Variants in STRN observed in about 807,000 individuals in gnomAD.
STRN encodes protein phosphatase 2 regulatory subunit B'''alpha.
Under a neutral mutation model 96.3 loss-of-function variants are expected in STRN, and 53 were observed. The observed-to-expected ratio is 0.55, with a 90% confidence interval of 0.44 to 0.69. The LOEUF is 0.69. Ranked by LOEUF, STRN falls within the 30% of genes least tolerant of loss-of-function variation. The probability of loss-of-function intolerance (pLI) is 0.00; values close to 1 mark genes in which losing one functional copy is unlikely to be tolerated. For synonymous variants in STRN, 428 were observed against 355.9 expected, an observed-to-expected ratio of 1.20 and a Z score of -2.28; for missense variants, 987 against 963.9, an observed-to-expected ratio of 1.02 and a Z score of -0.32.
intron 1 of STRN, among the ~76,000 whole-genome samples, chr2:36,964,184 G>GT (rs1558673420): frequency 0.021 from 1,663 of 78,282 alleles, 145 homozygotes; most frequent in African/African-American, 0.082. Context: ...ACGGGGCGGG[G>GT]CGGGGGGAAG....
At chr2:36,879,826 T>G (rs1005632347) in intron 9 of STRN, among the ~76,000 whole-genome samples, 2 of 152,206 alleles carry the variant, frequency 1.3e-5, no homozygotes, top group Admixed American at 1.3e-4. Context: ...TAATAAATAC[T>G]CATTGAATAA....
chr2:36,965,376 A>G (rs548027187), intron 1 of STRN, among the ~76,000 whole-genome samples: 7 of 152,318 alleles, frequency 4.6e-5, no homozygotes, highest in African/African-American at 1.7e-4. Flanking sequence ...CCTCACTTTC[A>G]TTCTTTTCAG....
intron 1 of STRN, among the ~76,000 whole-genome samples, chr2:36,951,479 C>T (rs922824397): frequency 3.3e-5 from 5 of 152,166 alleles, no homozygotes; most frequent in Admixed American, 6.5e-5. Flanking sequence ...ATACACTGCT[C>T]GCCTAAAACC....
At chr2:36,960,653 G>A (rs929594787) in intron 1 of STRN, among the ~76,000 whole-genome samples, 26 of 152,136 alleles carry the variant, frequency 1.7e-4, no homozygotes, top group African/African-American at 6.0e-4. Flanking sequence ...GGCTCTGAGA[G>A]ATCAGAATTA....
At chr2:36,862,165 C>G (rs545185229) in intron 12 of STRN, among the ~76,000 whole-genome samples, 1 of 152,098 alleles carries the variant, frequency 6.6e-6, no homozygotes, top group Admixed American at 6.6e-5. Flanking sequence ...TCCAGTTTAC[C>G]GATGATGGGC....
intron 3 of STRN, among the ~76,000 whole-genome samples, chr2:36,911,692 T>C (rs1053464210): frequency 6.6e-6 from 1 of 152,224 alleles, no homozygotes; most frequent in African/African-American, 2.4e-5. Context: ...CTTCCCTCTG[T>C]AGTTTTAGTT....
intron 14 of STRN, among the ~76,000 whole-genome samples, chr2:36,857,435 G>C (rs971395077): frequency 1.3e-5 from 2 of 152,016 alleles, no homozygotes; most frequent in Non-Finnish European, 2.9e-5. Context: ...AGCACTTCGG[G>C]AGGCTGAGGC....
At chr2:36,884,201 AGATT>A in intron 8 of STRN, 126 bp from the exon 9 acceptor site, 10 of 819,940 alleles carry the variant, frequency 1.2e-5, no homozygotes, top group Non-Finnish European at 1.7e-5. Context: ...ATATTCTACT[AGATT>A]AATAAGAATT....
chr2:36,848,976 G>T lies in STRN; in HGVS notation c.*480C>A, dbSNP rs1331442780. 1 of 155,574 alleles carries T rather than the reference G, an allele frequency of 6.4e-6. No individual in the cohort carries two copies. The highest frequency in any genetic ancestry group is 1.4e-5 in the Non-Finnish European group (1 of 69,928). The allele number at this position is 155,574 out of a possible 1,614,324, so 9.6% of individuals were successfully genotyped here. On this transcript the variant is annotated 3_prime_UTR_variant, in exon 18 of 18. Transcript: ENST00000263918. ...ACACTGCCTGGTCATTATACACAAA[G>T]GGGTTAATATGGCAGATATGATAAA...
intron 2 of STRN, among the ~76,000 whole-genome samples, chr2:36,918,320 C>T (rs754494655): frequency 8.5e-5 from 13 of 152,078 alleles, no homozygotes; most frequent in Non-Finnish European, 1.6e-4. Flanking sequence ...TCCAGAAACA[C>T]ACTTCATTTA....
At chr2:36,860,766 C>A (rs763237601) in intron 13 of STRN, among the ~76,000 whole-genome samples, 16 of 152,266 alleles carry the variant, frequency 1.1e-4, no homozygotes, top group Middle Eastern at 3.4e-3. Flanking sequence ...CACCAACATT[C>A]ATTTTCCTTA....
intron 1 of STRN, among the ~76,000 whole-genome samples, chr2:36,956,668 T>G (rs1664897374): frequency 6.6e-6 from 1 of 152,204 alleles, no homozygotes; most frequent in Non-Finnish European, 1.5e-5. Context: ...GTTTTGTTTG[T>G]TTTAAACTCT....
chr2:36,958,273 A>G (rs2148278066), intron 1 of STRN, among the ~76,000 whole-genome samples: 1 of 152,260 alleles, frequency 6.6e-6, no homozygotes, highest in Non-Finnish European at 1.5e-5. Flanking sequence ...AACTAAGGAT[A>G]CAAGGGAACA....
intron 1 of STRN, among the ~76,000 whole-genome samples, chr2:36,945,357 C>T (rs116402615): frequency 0.031 from 4,786 of 152,184 alleles, 108 homozygotes; most frequent in Non-Finnish European, 0.048. Flanking sequence ...ATCAAAAATA[C>T]ATAATGACTT....
chr2:36,867,937 C>A, intron 11 of STRN, 76 bp from the exon 12 acceptor site: 1 of 1,201,238 alleles, frequency 8.3e-7, no homozygotes, highest in South Asian at 1.5e-5. Flanking sequence ...ATAAAATTGT[C>A]TTTAAAAATA....
chr2:36,960,263 C>A (rs1287889780), intron 1 of STRN, among the ~76,000 whole-genome samples: 1 of 152,152 alleles, frequency 6.6e-6, no homozygotes, highest in Non-Finnish European at 1.5e-5. Flanking sequence ...TTCAAGGTAA[C>A]AGATACCTAC....
intron 2 of STRN, among the ~76,000 whole-genome samples, chr2:36,923,464 AC>A (rs771181148): frequency 1.4e-4 from 21 of 151,344 alleles, no homozygotes; most frequent in Admixed American, 2.6e-4. Context: ...AAAAAAAAAA[AC>A]AACTCACTAC....
At chr2:36,868,920 T>C (rs1668696382) in intron 11 of STRN, among the ~76,000 whole-genome samples, 1 of 150,420 alleles carries the variant, frequency 6.6e-6, no homozygotes, top group African/African-American at 2.5e-5. Flanking sequence ...GGAGCTCCGA[T>C]AAGGACCCAA....
chr2:36,886,922 T>C (rs1035752784), intron 7 of STRN, 96 bp from the exon 8 acceptor site: 2 of 895,790 alleles, frequency 2.2e-6, no homozygotes, highest in Middle Eastern at 2.3e-4. Flanking sequence ...ACTTTCTTTA[T>C]AGTATCACTA....
Sources: allele counts gnomAD v4.1 joint callset (sites outside exome capture counted in the v4.1 genomes callset), GRCh38; gene constraint gnomAD v4.1.1; transcripts MANE v1.5; gene names NCBI Gene and HGNC (gene_info 2026-07-23, HGNC 2026-07-21).